TET2: variants seen among roughly 807,000 people sequenced by gnomAD.
The protein encoded by TET2 is methylcytosine dioxygenase TET2.
TET2 carries 299 observed loss-of-function variants against 142.9 expected under a neutral mutation model. The ratio of observed to expected loss-of-function variants is 2.09; its 90% CI spans 1.90 to 2.30. The LOEUF (loss-of-function observed/expected upper bound fraction) is 2.30. Ranked by LOEUF, TET2 falls within the 30% of genes most tolerant of loss-of-function variation. The pLI, the probability that TET2 is intolerant of heterozygous loss-of-function variation, is 0.00. For synonymous variants in TET2, 819 were observed against 849.0 expected, an observed-to-expected ratio of 0.96 and a Z score of 0.61; for missense variants, 2,418 against 2,378.0, an observed-to-expected ratio of 1.02 and a Z score of -0.35.
At chr4:105,153,095 T>C (rs1487932905) in intron 1 of TET2, among the ~76,000 whole-genome samples, 2 of 152,232 alleles carry the variant, frequency 1.3e-5, no homozygotes, top group African/African-American at 2.4e-5. Context: ...TTAATTGAAA[T>C]ATTTTTTGAG....
intron 6 of TET2, among the ~76,000 whole-genome samples, chr4:105,258,574 T>C (rs1730258738): frequency 6.6e-6 from 1 of 152,096 alleles, no homozygotes; most frequent in Admixed American, 6.6e-5. Context: ...GAAGTAATTA[T>C]TTTTTAGAAA....
At chr4:105,199,023 T>C (rs1268627017) in intron 2 of TET2, among the ~76,000 whole-genome samples, 2 of 152,228 alleles carry the variant, frequency 1.3e-5, no homozygotes, top group East Asian at 1.9e-4. Flanking sequence ...TTGGAAACTT[T>C]AGGGATATGT....
At chr4:105,242,462 C>T (rs1317952280) in intron 4 of TET2, 2 of 1,102,420 alleles carry the variant, frequency 1.8e-6, no homozygotes, top group African/African-American at 3.3e-5. Context: ...TTATGACTCC[C>T]CAAGTTTTAA....
chr4:105,166,238 T>G (rs1202656441), intron 1 of TET2, among the ~76,000 whole-genome samples: 2 of 152,156 alleles, frequency 1.3e-5, no homozygotes, highest in African/African-American at 4.8e-5. Context: ...AGGATGCTAC[T>G]TTAAGCATTA....
intron 3 of TET2, chr4:105,237,732 C>T (rs913265384): frequency 3.1e-5 from 38 of 1,238,188 alleles, no homozygotes; most frequent in East Asian, 1.2e-4. Flanking sequence ...CGACCATAGG[C>T]AGTCTAATGT....
chr4:105,203,739 C>T lies in TET2; in HGVS notation c.-47+13234C>T, dbSNP rs147350597. Among the ~76,000 whole-genome samples, 408 of 152,224 alleles carry T rather than the reference C, an allele frequency of 2.7e-3. 1 individual carries two copies. Among genetic ancestry groups the T allele is most frequent in the African/African-American group, 9.4e-3 (391 of 41,528 alleles). On this transcript the variant is annotated intron_variant, in intron 2 of 10. Transcript: ENST00000380013. ...AGGTAATACCAAGACAAATCAGGGC[C>T]GTTATTAACAACCTTGAGGAAATGT...
chr4:105,253,113 C>CT (rs931506266), intron 6 of TET2, among the ~76,000 whole-genome samples: 2 of 152,056 alleles, frequency 1.3e-5, no homozygotes, highest in Non-Finnish European at 2.9e-5. Flanking sequence ...GTTGGCTATT[C>CT]TTTTGCCTAT....
Position 105,276,454 on chromosome 4 carries a change from T to G in TET2, c.5944T>G (p.Ser1982Ala), listed in dbSNP as rs1490187152. The change falls in exon 11 of 11, where the codon TCC (serine) becomes GCC (alanine). Residue 1982 changes from serine (S) to alanine (A), a missense_variant. Physicochemically the swap from Ser to Ala is moderately conservative, Grantham distance 99 (BLOSUM62 1). Coordinates refer to ENST00000380013, the MANE Select transcript of TET2 (RefSeq NM_001127208.3). ...AERTMSVTTDSTVTTSPYAFT... is the reference protein window; with the variant it reads ...AERTMSVTTDATVTTSPYAFT... ...AAGGACCATGTCCGTGACCACAGAC[T>G]CCACAGTAACTACATCTCCATATGC... The G allele has an allele frequency of 6.4e-7, 1 of 1,551,608 alleles. No individual in the cohort carries two copies. Among genetic ancestry groups the G allele is most frequent in the Non-Finnish European group, 8.7e-7 (1 of 1,146,988 alleles).
At chr4:105,206,413 T>C (rs1460326874) in intron 2 of TET2, among the ~76,000 whole-genome samples, 1 of 152,256 alleles carries the variant, frequency 6.6e-6, no homozygotes, top group African/African-American at 2.4e-5. Flanking sequence ...AGTGACCTAC[T>C]GTTGAGTTTC....
chr4:105,259,543 T>C (rs372093801), intron 6 of TET2, 76 bp from the exon 7 acceptor site: 7 of 1,393,614 alleles, frequency 5.0e-6, no homozygotes. Context: ...ATTTTGCATA[T>C]AGACACCTAT....
At position 105,275,676 on chromosome 4, in the gene TET2, TC is replaced by T; in HGVS notation, c.5168del (p.Pro1723LeufsTer22). 1 of 1,551,910 alleles carries T rather than the reference TC, an allele frequency of 6.4e-7. No homozygotes were observed. Among genetic ancestry groups the T allele is most frequent in the Non-Finnish European group, 8.7e-7 (1 of 1,147,018 alleles). On this transcript the variant is annotated frameshift_variant, in exon 11 of 11. Transcript: ENST00000380013. LOFTEE classifies it low-confidence loss of function (END_TRUNC). ...PNVHHVGKLP[P>X]YPTHEMDGHF... is the part of the protein sequence containing the mutation. ...ATGTACATCATGTAGGGAAATTGCC[TC>T]CTTATCCCACTCATGAGATGGATGG...
At chr4:105,189,367 TC>T (rs1560737510) in intron 1 of TET2, among the ~76,000 whole-genome samples, 1 of 152,176 alleles carries the variant, frequency 6.6e-6, no homozygotes, top group Non-Finnish European at 1.5e-5. Context: ...CAATACTGTT[TC>T]CATATATTCA....
chr4:105,251,919 A>ATTTC (rs1729886945), intron 6 of TET2, among the ~76,000 whole-genome samples: 1 of 152,240 alleles, frequency 6.6e-6, no homozygotes, highest in Non-Finnish European at 1.5e-5. Flanking sequence ...ACATTGAATG[A>ATTTC]AAGGCACAGA....
At chr4:105,207,353 T>A (rs907386171) in intron 2 of TET2, among the ~76,000 whole-genome samples, 10 of 152,148 alleles carry the variant, frequency 6.6e-5, no homozygotes, top group African/African-American at 2.4e-4. Context: ...GAGACTAAAG[T>A]GAATAACTCA....
intron 1 of TET2, among the ~76,000 whole-genome samples, chr4:105,175,086 C>T (rs139904839): frequency 2.4e-3 from 361 of 152,284 alleles, no homozygotes; most frequent in Middle Eastern, 0.01. Context: ...CTACAGAATG[C>T]TTCCCTTTCC....
At chr4:105,189,029 A>G (rs1004078374) in intron 1 of TET2, among the ~76,000 whole-genome samples, 1 of 152,114 alleles carries the variant, frequency 6.6e-6, no homozygotes, top group African/African-American at 2.4e-5. Context: ...TGGTATGTGA[A>G]TTATATCTCA....
chr4:105,203,842 C>T (rs1215881547), intron 2 of TET2, among the ~76,000 whole-genome samples: 3 of 152,068 alleles, frequency 2.0e-5, no homozygotes, highest in African/African-American at 4.8e-5. Flanking sequence ...CCAAACTCTT[C>T]GAGGCAAATT....
chr4:105,237,279 G>A lies in TET2; in HGVS notation c.3337G>A (p.Asp1113Asn), dbSNP rs140437060. 11 of 1,613,914 alleles carry A rather than the reference G, an allele frequency of 6.8e-6. No individual in the cohort carries two copies. The African/African-American group carries it at 1.5e-4, about 22-fold the overall frequency. ...TATAGAGTCACCTTCCAAATTACTAGATACTCCTATAAAAAATTTATTGGA... is the reference window on the plus strand; with the variant it reads ...TATAGAGTCACCTTCCAAATTACTAAATACTCCTATAAAAAATTTATTGGA... The part of the protein sequence containing the change: ...NFIESPSKLL[D>N]TPIKNLLDTP... The change falls in exon 3 of 11, where the codon GAT becomes AAT. Residue 1113 changes from aspartate to asparagine, a missense_variant. Asp to Asn is a conservative substitution (Grantham distance 23). Coordinates refer to ENST00000380013, the MANE Select transcript of TET2 (RefSeq NM_001127208.3).
At position 105,241,333 on chromosome 4, in the gene TET2, C is replaced by G. The variant is rs2110248496; in HGVS notation, c.3410-6C>G. 1.3e-6 allele frequency: 2 copies of G among 1,542,412 alleles called. No individual in the cohort carries two copies. The highest frequency in any genetic ancestry group is 1.2e-5 in the South Asian group (1 of 82,388). ...CTAAAATAATAATCTTCTATTATCT[C>G]AACAGAGCAAATTATTGAAAAAGAT... is the stretch of plus-strand genomic sequence containing the variant. On this transcript the variant is annotated splice_polypyrimidine_tract_variant and splice_region_variant and intron_variant, in intron 3 of 10. Coordinates refer to ENST00000380013, the MANE Select transcript of TET2 (RefSeq NM_001127208.3).
Sources: allele counts gnomAD v4.1 joint callset (sites outside exome capture counted in the v4.1 genomes callset), GRCh38; gene constraint gnomAD v4.1.1; transcripts MANE v1.5; gene names NCBI Gene and HGNC (gene_info 2026-07-23, HGNC 2026-07-21).